Variants in BCL2L1 observed in about 807,000 individuals in gnomAD.
BCL2L1 encodes BCL2 like 1, also known as bcl-2-like protein 1.
Under a neutral mutation model 18.7 loss-of-function variants are expected in BCL2L1, and 1 was observed. The observed-to-expected ratio is 0.05, with a 90% CI of 0.02 to 0.25. BCL2L1 has a LOEUF of 0.25. Among genes scored for constraint, BCL2L1 ranks in the 10% least tolerant of loss-of-function variants. BCL2L1 has a pLI of 1.00. For synonymous variants in BCL2L1, 103 were observed against 122.7 expected (o/e 0.84, Z 1.06); for missense variants, 207 against 304.9 (o/e 0.68, Z 2.39).
intron 2 of BCL2L1, among the ~76,000 whole-genome samples, chr20:31,690,258 A>T (rs1273416776): frequency 1.4e-5 from 2 of 146,260 alleles, no homozygotes; most frequent in Admixed American, 1.4e-4. Flanking sequence ...CAAATGACTA[A>T]TTTTTTTTTT....
chr20:31,721,074 C>G (rs1463837551), intron 2 of BCL2L1: 1 of 723,166 alleles, frequency 1.4e-6, no homozygotes, highest in Non-Finnish European at 1.7e-6. Flanking sequence ...GCCCCAAAAT[C>G]TGACAATTCT....
At chr20:31,723,325 G>A, upstream of BCL2L1, 2 of 985,696 alleles carry the variant, frequency 2.0e-6, no homozygotes, top group South Asian at 4.7e-5. Context: ...GACTGGGTGA[G>A]GGTGAGGCGC....
rs1262820373 is a variant in BCL2L1, at chr20:31,684,121, A to T, written c.565-18035T>A. 2.0e-5 allele frequency among the ~76,000 whole-genome samples: 3 copies of T among 152,168 alleles called. No individual in the cohort carries two copies. The East Asian group carries it at 5.8e-4, about 29-fold the overall frequency. ...CGGAAGCCAGTCCAGAATGGCCCACAGGTACCCCCCAACATGCCTTGGAAC... is the reference window on the plus strand; with the variant it reads ...CGGAAGCCAGTCCAGAATGGCCCACTGGTACCCCCCAACATGCCTTGGAAC... On this transcript the variant is annotated intron_variant, in intron 2 of 2. Coordinates refer to ENST00000307677, the MANE Select transcript of BCL2L1 (RefSeq NM_138578.3).
chr20:31,673,592 T>C (rs553784033), intron 2 of BCL2L1, among the ~76,000 whole-genome samples: 7 of 151,830 alleles, frequency 4.6e-5, no homozygotes, highest in Admixed American at 1.3e-4. Flanking sequence ...CAGGGCTGCA[T>C]TGAATCATGT....
At chr20:31,693,949 C>CT in intron 2 of BCL2L1, among the ~76,000 whole-genome samples, 1 of 151,808 alleles carries the variant, frequency 6.6e-6, no homozygotes, top group Non-Finnish European at 1.5e-5. Flanking sequence ...TGATAAATTT[C>CT]TTTAAAAAAA....
chr20:31,685,578 A>T (rs894242100), intron 2 of BCL2L1, among the ~76,000 whole-genome samples: 4 of 152,060 alleles, frequency 2.6e-5, no homozygotes, highest in African/African-American at 9.7e-5. Context: ...ACGTGAGCTT[A>T]CTCCTGCTTT....
intron 2 of BCL2L1, among the ~76,000 whole-genome samples, chr20:31,699,691 A>G (rs1994250): frequency 0.29 from 44,326 of 152,166 alleles, 8,108 homozygotes; most frequent in African/African-American, 0.51. Context: ...TCTAGGTCCA[A>G]ATCCAGGATT....
chr20:31,690,939 A>T (rs1332729846), intron 2 of BCL2L1, among the ~76,000 whole-genome samples: 1 of 151,952 alleles, frequency 6.6e-6, no homozygotes, highest in Non-Finnish European at 1.5e-5. Flanking sequence ...ACCTGAGGTC[A>T]GGCATTTGAG....
intron 2 of BCL2L1, among the ~76,000 whole-genome samples, chr20:31,668,015 A>G (rs148819457): frequency 6.6e-6 from 1 of 152,172 alleles, no homozygotes; most frequent in East Asian, 1.9e-4. Flanking sequence ...CTGGCCAGCA[A>G]GGTCTAGTGG....
chr20:31,695,341 C>T (rs534802951), intron 2 of BCL2L1, among the ~76,000 whole-genome samples: 3 of 152,366 alleles, frequency 2.0e-5, no homozygotes, highest in Admixed American at 6.5e-5. Flanking sequence ...TCCCATGTGG[C>T]CCTACAAGAC....
In BCL2L1 at chr20:31,673,217, C is replaced by T. The variant is rs527408945; in HGVS notation, c.565-7131G>A. 2.6e-5 allele frequency among the ~76,000 whole-genome samples: 4 copies of T among 151,860 alleles called. No individual in the cohort carries two copies. The South Asian group carries it at 8.3e-4, about 32-fold the overall frequency. On this transcript the variant is annotated intron_variant, in intron 2 of 2. Transcript: ENST00000307677. Reference sequence around the variant, plus strand: ...CTCCCAAGTTGCCTGGGATTACAGGCACCCGCCACCACACCTGGCTAATTT... The same window carrying T: ...CTCCCAAGTTGCCTGGGATTACAGGTACCCGCCACCACACCTGGCTAATTT...
upstream of BCL2L1, chr20:31,723,303 GC>G: frequency 1.0e-6 from 1 of 985,840 alleles, no homozygotes; most frequent in Non-Finnish European, 1.2e-6. Flanking sequence ...GGCCGCCGGC[GC>G]CCTGCACAAA....
At chr20:31,670,904 C>T (rs1381712889) in intron 2 of BCL2L1, among the ~76,000 whole-genome samples, 1 of 152,040 alleles carries the variant, frequency 6.6e-6, no homozygotes, top group African/African-American at 2.4e-5. Context: ...GCAGAGCAGC[C>T]CTGGTCTGGA....
Position 31,665,338 on chromosome 20 carries a change from T to A in BCL2L1, c.*611A>T, listed in dbSNP as rs527283085. The A allele has an allele frequency of 6.5e-6, 1 of 153,308 alleles. No homozygotes were observed. The highest frequency in any genetic ancestry group is 1.5e-5 in the Non-Finnish European group (1 of 68,516). The allele number at this position is 153,308 out of a possible 1,614,324, so 9.5% of individuals were successfully genotyped here. ...TCTAGCCAGAGGCTTCTGGAGGACA[T>A]TTGGACTGGGAGTGAGGACTCTAGC... On this transcript the variant is annotated 3_prime_UTR_variant, in exon 3 of 3. Transcript: ENST00000307677.
intron 2 of BCL2L1, among the ~76,000 whole-genome samples, chr20:31,701,268 G>A (rs1421140422): frequency 2.0e-5 from 3 of 152,084 alleles, no homozygotes; most frequent in South Asian, 2.1e-4. Flanking sequence ...TGGCCAAGAC[G>A]GTCTTGATCT....
Position 31,721,775 on chromosome 20 carries a change from C to T in BCL2L1, c.444G>A (p.Gly148=), listed in dbSNP as rs765234540. 1.2e-6 allele frequency: 2 copies of T among 1,614,142 alleles called. No homozygotes were observed. The highest frequency in any genetic ancestry group is 4.5e-5 in the East Asian group (2 of 44,880). The change falls in exon 2 of 3, where the codon GGG becomes GGA. Residue 148 remains glycine (G), a synonymous_variant. Coordinates refer to ENST00000307677, the MANE Select transcript of BCL2L1 (RefSeq NM_138578.3). ...GRIVAFFSFG[G]ALCVESVDKE... is the part of the protein sequence containing the mutation. ...TGTCTACGCTTTCCACGCACAGTGC[C>T]CCGCCGAAGGAGAAAAAGGCCACAA...
chr20:31,723,742 C>A, upstream of BCL2L1: 1 of 985,446 alleles, frequency 1.0e-6, no homozygotes, highest in Non-Finnish European at 1.2e-6. Flanking sequence ...CACCTGCGAG[C>A]CCCGCGAGCC....
At chr20:31,675,403 C>T (rs965282527) in intron 2 of BCL2L1, among the ~76,000 whole-genome samples, 2 of 152,168 alleles carry the variant, frequency 1.3e-5, no homozygotes, top group African/African-American at 4.8e-5. Flanking sequence ...AATAGACAAA[C>T]ATGGCCTTGC....
intron 2 of BCL2L1, among the ~76,000 whole-genome samples, chr20:31,666,409 T>C (rs1248674159): frequency 6.6e-6 from 1 of 151,968 alleles, no homozygotes; most frequent in Non-Finnish European, 1.5e-5. Context: ...GCCAGGTGGC[T>C]GGAGCAGAGT....
Sources: allele counts gnomAD v4.1 joint callset (sites outside exome capture counted in the v4.1 genomes callset), GRCh38; gene constraint gnomAD v4.1.1; transcripts MANE v1.5; gene names NCBI Gene and HGNC (gene_info 2026-07-23, HGNC 2026-07-21).